Variants in LINC00632 observed in about 807,000 individuals in gnomAD.
LINC00632 encodes long independently transcribed non-coding RNA 632, also known as ALDOA related specific transcript.
intron 3 of LINC00632, among the ~76,000 whole-genome samples, chrX:140,766,491 T>C (rs1319833754): frequency 8.9e-6 from 1 of 112,059 alleles, no homozygotes; most frequent in Non-Finnish European, 1.9e-5. Flanking sequence ...TATCCCTCAA[T>C]TGTTTCGAAC....
At chrX:140,779,749 C>T (rs778482169) in exon 5 of LINC00632, among the ~76,000 whole-genome samples, 13 of 112,072 alleles carry the variant, frequency 1.2e-4, no homozygotes, top group Non-Finnish European at 2.4e-4. Flanking sequence ...TGCATTGCTA[C>T]GTAAAGCCAA....
Position 140,775,846 on chromosome X carries a change from C to T in LINC00632, n.3865C>T, listed in dbSNP as rs1931864437. Among the ~76,000 whole-genome samples the T allele has an allele frequency of 6.0e-5, 3 of 49,965 alleles. No homozygotes were observed. In the South Asian group the frequency reaches 2.6e-3, roughly 43 times the overall value. The allele number at this position is 49,965 out of a possible 115,157, so 43.4% of individuals were successfully genotyped here. ...GAAGCAGGAAGCAAGCCCACTCAAACGTTGAAATTTGGCATGAGGGAGTCC... is the reference window on the plus strand; with the variant it reads ...GAAGCAGGAAGCAAGCCCACTCAAATGTTGAAATTTGGCATGAGGGAGTCC... On this transcript the variant is annotated non_coding_transcript_exon_variant, in exon 5 of 5. Coordinates refer to ENST00000648200, the Ensembl canonical transcript of LINC00632.
chrX:140,755,559 A>G (rs953768894), intron 3 of LINC00632, among the ~76,000 whole-genome samples: 8 of 112,220 alleles, frequency 7.1e-5, no homozygotes, highest in Non-Finnish European at 1.3e-4. Context: ...CACACTTTGC[A>G]CGGTGATGCC....
At chrX:140,725,057 CACACACAGACACATTCCAT>C (rs1382467632) in intron 2 of LINC00632, among the ~76,000 whole-genome samples, 3 of 86,424 alleles carry the variant, frequency 3.5e-5, no homozygotes, top group Non-Finnish European at 4.7e-5. Flanking sequence ...TCATTCCATA[CACACACAGACACATTCCAT>C]ACACACAGAC....
exon 4 of LINC00632, chrX:140,772,397 G>C (rs1016653553): frequency 6.8e-6 from 2 of 293,693 alleles, no homozygotes; most frequent in East Asian, 4.8e-5. Flanking sequence ...TTATCATTTG[G>C]TTCTTAAGTA....
rs947678213 is a variant in LINC00632, at chrX:140,750,497, G to A, written n.191+16533G>A. ...GTAATACATATTAAATGTATTACAT[G>A]TTAAAATGTAATACATTTCACACTG... On this transcript the variant is annotated intron_variant and non_coding_transcript_variant, in intron 3 of 4. Transcript: ENST00000648200. 1.1e-4 allele frequency among the ~76,000 whole-genome samples: 12 copies of A among 110,952 alleles called. 1 individual carries two copies. The highest frequency in any genetic ancestry group is 2.1e-4 in the Non-Finnish European group (11 of 52,950).
exon 5 of LINC00632, among the ~76,000 whole-genome samples, chrX:140,790,421 C>A (rs1302503862): frequency 2.7e-5 from 3 of 110,877 alleles, no homozygotes; most frequent in Admixed American, 9.7e-5. Context: ...GATAATATTT[C>A]TCTAGTACTG....
At chrX:140,783,956 T>C in exon 5 of LINC00632, 3 of 1,209,362 alleles carry the variant, frequency 2.5e-6, no homozygotes, top group Non-Finnish European at 3.4e-6. Context: ...ATCCACATCT[T>C]CCAATGGCCT....
exon 5 of LINC00632, chrX:140,783,228 G>A (rs935069816): frequency 2.5e-5 from 5 of 198,214 alleles, no homozygotes; most frequent in East Asian, 1.1e-4. Flanking sequence ...GTCTTCCAGC[G>A]ACTTCAAGTC....
chrX:140,751,103 CTT>C (rs1412497146), intron 3 of LINC00632, among the ~76,000 whole-genome samples: 3 of 111,298 alleles, frequency 2.7e-5, no homozygotes, highest in South Asian at 3.8e-4. Context: ...GCATGTGTCT[CTT>C]TGTATAATTG....
At chrX:140,733,401 A>C (rs975353335) in intron 2 of LINC00632, among the ~76,000 whole-genome samples, 1 of 111,891 alleles carries the variant, frequency 8.9e-6, no homozygotes, top group South Asian at 3.7e-4. Context: ...AAAAAAAAAA[A>C]CCTGCATTTT....
exon 5 of LINC00632, chrX:140,784,510 C>CGTCTTCCAGCATCTCTGT: frequency 1.5e-6 from 1 of 657,440 alleles, no homozygotes; most frequent in Non-Finnish European, 2.4e-6. Flanking sequence ...AACATCTCCA[C>CGTCTTCCAGCATCTCTGT]GTCTTCCAGC....
exon 4 of LINC00632, among the ~76,000 whole-genome samples, chrX:140,773,601 A>T (rs1417849352): frequency 7.1e-5 from 8 of 111,909 alleles, no homozygotes; most frequent in Non-Finnish European, 1.3e-4. Flanking sequence ...TCACTGAGAA[A>T]CTCTTTTTGA....
chrX:140,738,954 T>C (rs933378235), intron 3 of LINC00632, among the ~76,000 whole-genome samples: 3 of 112,197 alleles, frequency 2.7e-5, no homozygotes, highest in African/African-American at 9.7e-5. Context: ...TGGTTCAGTA[T>C]ACTGCTATTC....
intron 3 of LINC00632, among the ~76,000 whole-genome samples, chrX:140,763,877 T>C (rs1381561166): frequency 8.9e-6 from 1 of 111,916 alleles, no homozygotes; most frequent in Non-Finnish European, 1.9e-5. Context: ...TGCCATTTTA[T>C]GTTGCGAAGG....
At chrX:140,724,582 A>G (rs1930882253) in intron 2 of LINC00632, among the ~76,000 whole-genome samples, 1 of 95,217 alleles carries the variant, frequency 1.1e-5, no homozygotes, top group South Asian at 4.6e-4. Context: ...CATTCCATAC[A>G]CGCACAGACA....
intron 3 of LINC00632, among the ~76,000 whole-genome samples, chrX:140,743,596 G>A (rs1931277150): frequency 9.0e-6 from 1 of 111,090 alleles, no homozygotes; most frequent in Non-Finnish European, 1.9e-5. Flanking sequence ...CCCAACTAAT[G>A]ATACAGTTAT....
At position 140,728,301 on chromosome X, in the gene LINC00632, C is replaced by A. The variant is rs191458041; in HGVS notation, n.105-5577C>A. Among the ~76,000 whole-genome samples, 1,046 of 110,136 alleles carry A rather than the reference C, an allele frequency of 9.5e-3. 6 individuals carry two copies. The highest frequency in any genetic ancestry group is 0.015 in the Non-Finnish European group (813 of 52,667). On this transcript the variant is annotated intron_variant and non_coding_transcript_variant, in intron 2 of 4. Transcript: ENST00000648200. Reference sequence around the variant, plus strand: ...TTATCTTATAATGCACAAACTAACTCCACAGTACTTAGATACAACTTACAG... The same window carrying A: ...TTATCTTATAATGCACAAACTAACTACACAGTACTTAGATACAACTTACAG...
chrX:140,722,991 GTGT>G (rs1930756597), intron 2 of LINC00632, among the ~76,000 whole-genome samples: 1 of 106,105 alleles, frequency 9.4e-6, no homozygotes, highest in Admixed American at 1.0e-4. Flanking sequence ...AGAGGTTGCA[GTGT>G]TGTGCCATTA....
Sources: allele counts gnomAD v4.1 joint callset (sites outside exome capture counted in the v4.1 genomes callset), GRCh38; gene constraint gnomAD v4.1.1; transcripts MANE v1.5; gene names NCBI Gene and HGNC (gene_info 2026-07-23, HGNC 2026-07-21).